The following NSD1 variants were observed in gnomAD, a reference collection of about 807,000 sequenced individuals.
NSD1 encodes nuclear receptor binding SET domain protein 1, also known as histone-lysine N-methyltransferase, H3 lysine-36 specific.
A neutral mutation model predicts 242.7 loss-of-function variants in NSD1; 26 were observed. That is an observed-to-expected ratio of 0.11 (90% CI 0.08 to 0.15). The LOEUF (loss-of-function observed/expected upper bound fraction) is 0.15. NSD1 is among the 10% of genes least tolerant of loss of function. NSD1 has a pLI of 1.00. For synonymous variants in NSD1, 1,106 were observed against 1,178.1 expected (o/e 0.94, Z 1.25); for missense variants, 2,495 against 3,272.8 (o/e 0.76, Z 5.80).
chr5:177,269,906 C>G lies in NSD1; in HGVS notation c.5509+99C>G, dbSNP rs763414330. The G allele has an allele frequency of 1.3e-5, 13 of 1,032,334 alleles. No homozygotes were observed. In the East Asian group the frequency reaches 2.9e-4, roughly 23 times the overall value. The allele number at this position is 1,032,334 out of a possible 1,614,324, so 63.9% of individuals were successfully genotyped here. A position where few individuals can be genotyped will look rare whatever the true frequency, so the allele number is the denominator to read the frequency against. On this transcript the variant is annotated intron_variant, in intron 16 of 22. Transcript: ENST00000439151. This position sits in a 1 kb window ranked among gnomAD's most constrained non-coding sequence, Gnocchi z 5.1. The stretch of plus-strand genomic sequence containing the variant: ...CACATATGCTCCATTTTGAAACTGC[C>G]TTTGTCCTCTCAGGGCATTATCTGG...
chr5:177,137,646 T>C (rs532410722), intron 2 of NSD1, among the ~76,000 whole-genome samples: 2 of 152,312 alleles, frequency 1.3e-5, no homozygotes, highest in Admixed American at 1.3e-4. Flanking sequence ...CGTTGAAATT[T>C]ATTTTATATA....
intron 20 of NSD1, 92 bp downstream of exon 20, chr5:177,284,020 T>TTTC: frequency 7.0e-7 from 1 of 1,422,640 alleles, no homozygotes; most frequent in Non-Finnish European, 9.9e-7. Context: ...ATTTTAAACA[T>TTTC]TTCTATATGT....
intron 2 of NSD1, among the ~76,000 whole-genome samples, chr5:177,154,099 A>G (rs1179698207): frequency 6.6e-6 from 1 of 152,084 alleles, no homozygotes; most frequent in African/African-American, 2.4e-5. Flanking sequence ...GCTCACTCAT[A>G]TGGATGCTAG....
In NSD1 at chr5:177,246,684, C is replaced by T. The variant is rs1447937876; in HGVS notation, c.4385C>T (p.Thr1462Ile). 2 of 1,612,964 alleles carry T rather than the reference C, an allele frequency of 1.2e-6. No individual in the cohort carries two copies. Among genetic ancestry groups the T allele is most frequent in the South Asian group, 2.2e-5 (2 of 91,054 alleles). Residue 1462 changes from threonine to isoleucine, a missense_variant, in exon 10 of 23, where the codon ACC becomes ATC. Physicochemically the swap from Thr to Ile is moderately conservative, Grantham distance 89. Coordinates refer to ENST00000439151, the MANE Select transcript of NSD1 (RefSeq NM_022455.5). ...ACCTATTTTCCTGTCATAGGCACTACCAAGATATTTGACAAGCCAAGGAAG... is the reference window on the plus strand; with the variant it reads ...ACCTATTTTCCTGTCATAGGCACTATCAAGATATTTGACAAGCCAAGGAAG... ...SYSKDFGGGT[T>I]KIFDKPRKRK...
intron 21 of NSD1, among the ~76,000 whole-genome samples, chr5:177,289,888 C>T (rs1453386796): frequency 6.7e-6 from 1 of 148,494 alleles, no homozygotes; most frequent in Non-Finnish European, 1.5e-5. Context: ...AGTGCAGTGG[C>T]GCAATCTCGG....
At chr5:177,164,773 A>T (rs1310128786) in intron 2 of NSD1, among the ~76,000 whole-genome samples, 1 of 151,850 alleles carries the variant, frequency 6.6e-6, no homozygotes, top group Non-Finnish European at 1.5e-5. Flanking sequence ...GTGAAACTCC[A>T]TCTCTACTAA....
intron 2 of NSD1, among the ~76,000 whole-genome samples, chr5:177,138,545 C>T (rs141303063): frequency 3.0e-4 from 45 of 151,352 alleles, no homozygotes; most frequent in Non-Finnish European, 4.9e-4. Context: ...CGTGAGCCAC[C>T]GTACCCATCC....
chr5:177,257,831 T>A (rs1190284429), intron 13 of NSD1, among the ~76,000 whole-genome samples: 1 of 150,212 alleles, frequency 6.7e-6, no homozygotes, highest in African/African-American at 2.4e-5. Flanking sequence ...TATTTTATTT[T>A]ATTTTATTTT....
chr5:177,293,820 C>T lies in NSD1; in HGVS notation c.6464-12C>T, dbSNP rs762449579. ...TTTTTCCTAAACTTTTGATTTACTT[C>T]TGTGTTTTCAGGGAAATGGGAATGT... On this transcript the variant is annotated splice_polypyrimidine_tract_variant and intron_variant, in intron 22 of 22. Coordinates refer to ENST00000439151, the MANE Select transcript of NSD1 (RefSeq NM_022455.5). The T allele has an allele frequency of 1.2e-6, 2 of 1,613,914 alleles. No homozygotes were observed. The highest frequency in any genetic ancestry group is 1.7e-6 in the Non-Finnish European group (2 of 1,179,974).
intron 5 of NSD1, among the ~76,000 whole-genome samples, chr5:177,234,761 C>T (rs1765313242): frequency 6.6e-6 from 1 of 152,072 alleles, no homozygotes; most frequent in South Asian, 2.1e-4. Flanking sequence ...AGACAATACT[C>T]GTTGTTAATG....
In NSD1 at chr5:177,294,545, C is replaced by A. The variant is rs2127281815; in HGVS notation, c.7177C>A (p.Leu2393Ile). 6.2e-7 allele frequency: 1 copy of A among 1,614,234 alleles called. No individual in the cohort carries two copies. The highest frequency in any genetic ancestry group is 8.5e-7 in the Non-Finnish European group (1 of 1,180,040). The change falls in exon 23 of 23, where the codon CTC becomes ATC. Residue 2393 changes from leucine to isoleucine, a missense_variant. Leu to Ile is a conservative substitution (Grantham distance 5). This residue lies in a region of NSD1 where 475 missense variants were observed against 563.7 expected (regional missense o/e 0.84). Coordinates refer to ENST00000439151, the MANE Select transcript of NSD1 (RefSeq NM_022455.5). ...GAGACTTCCGCCGCCAGACAGACTG[C>A]TCATTACTAGCAGTCCCAAACCCCA... ...GLRLPPPDRL[L>I]ITSSPKPQTS...
chr5:177,183,558 T>C (rs899817671), intron 2 of NSD1, among the ~76,000 whole-genome samples: 2 of 152,202 alleles, frequency 1.3e-5, no homozygotes, highest in African/African-American at 4.8e-5. Context: ...AGACATGCAA[T>C]ATGTAATAAT....
chr5:177,267,465 T>A, intron 14 of NSD1, 97 bp from the exon 15 acceptor site: 1 of 1,017,768 alleles, frequency 9.8e-7, no homozygotes, highest in Non-Finnish European at 1.5e-6. Flanking sequence ...TATCTTTTAG[T>A]GAAGAGAAAG....
intron 17 of NSD1, among the ~76,000 whole-genome samples, chr5:177,274,149 G>A (rs560364160): frequency 1.6e-4 from 25 of 151,990 alleles, no homozygotes; most frequent in African/African-American, 4.1e-4. Context: ...GTAAGACTCC[G>A]TCTCCAAAAA....
At chr5:177,178,954 T>C (rs542196372) in intron 2 of NSD1, among the ~76,000 whole-genome samples, 1 of 152,276 alleles carries the variant, frequency 6.6e-6, no homozygotes, top group South Asian at 2.1e-4. Context: ...GAGCCTTAAG[T>C]AGGGGTAAAG....
intron 2 of NSD1, among the ~76,000 whole-genome samples, chr5:177,146,665 T>A (rs1757271973): frequency 6.6e-6 from 1 of 152,150 alleles, no homozygotes; most frequent in Non-Finnish European, 1.5e-5. Context: ...AAGTTCTTTG[T>A]TTTTATCACC....
rs758743317 is a variant in NSD1 at position 177,135,705 on chromosome 5, A to G, written c.602A>G (p.Asn201Ser). Residue 201 changes from asparagine (N) to serine (S), a missense_variant, in exon 2 of 23, where the codon AAT becomes AGT. Physicochemically the swap from Asn to Ser is conservative, Grantham distance 46. This residue lies in a region of NSD1 where 376 missense variants were observed against 367.4 expected (regional missense o/e 1.02). Transcript: ENST00000439151. Reference sequence around the variant, plus strand: ...TGCAATTATGAGACTAAATCAGAGAATGGTGTAAAAGTGGCCATGGGAAGT... The same window carrying G: ...TGCAATTATGAGACTAAATCAGAGAGTGGTGTAAAAGTGGCCATGGGAAGT... ...ATCNYETKSE[N>S]GVKVAMGSEQ... The G allele has an allele frequency of 5.6e-6, 9 of 1,614,254 alleles. No individual in the cohort carries two copies. Among genetic ancestry groups the G allele is most frequent in the South Asian group, 5.5e-5 (5 of 91,086 alleles).
At chr5:177,281,656 TTTTA>T (rs773722380) in intron 18 of NSD1, among the ~76,000 whole-genome samples, 23 of 152,158 alleles carry the variant, frequency 1.5e-4, no homozygotes, top group Non-Finnish European at 1.5e-5. Context: ...TTATATTTTA[TTTTA>T]TTTATTTTTT....
chr5:177,164,449 G>A (rs1189344506), intron 2 of NSD1, among the ~76,000 whole-genome samples: 1 of 151,918 alleles, frequency 6.6e-6, no homozygotes, highest in Admixed American at 6.6e-5. Context: ...GAGCCACTGC[G>A]CCCGGGCTCA....
Sources: allele counts gnomAD v4.1 joint callset (sites outside exome capture counted in the v4.1 genomes callset), GRCh38; gene constraint gnomAD v4.1.1; regional missense constraint gnomAD v4.1.1; non-coding constraint Gnocchi (gnomAD v3.1); transcripts MANE v1.5; gene names NCBI Gene and HGNC (gene_info 2026-07-23, HGNC 2026-07-21).